The following XPR1 variants were observed in gnomAD, a reference collection of about 807,000 sequenced individuals.
The protein encoded by XPR1 is xenotropic and polytropic retrovirus receptor 1, also known as solute carrier family 53 member 1.
A neutral mutation model predicts 87.5 loss-of-function variants in XPR1; 28 were observed. The observed-to-expected ratio is 0.32, with a 90% CI of 0.24 to 0.44. The LOEUF is 0.44. Among genes scored for constraint, XPR1 ranks in the 20% least tolerant of loss-of-function variants. XPR1 has a pLI of 1.00. For missense variants in XPR1, 559 were observed against 862.3 expected, an observed-to-expected ratio of 0.65 and a Z score of 4.41; for synonymous variants, 300 against 306.1, an observed-to-expected ratio of 0.98 and a Z score of 0.21.
intron 1 of XPR1, among the ~76,000 whole-genome samples, chr1:180,656,365 AATATT>A (rs1557941118): frequency 1.8e-5 from 2 of 108,570 alleles, no homozygotes; most frequent in African/African-American, 6.7e-5. Context: ...TTATATATAT[AATATT>A]TATATATAAT....
At chr1:180,745,172 C>T (rs1330263325) in intron 2 of XPR1, among the ~76,000 whole-genome samples, 1 of 152,176 alleles carries the variant, frequency 6.6e-6, no homozygotes, top group Non-Finnish European at 1.5e-5. Flanking sequence ...TCCGATTATG[C>T]AAGCTTTTCT....
At chr1:180,786,815 G>A (rs950235723) in intron 2 of XPR1, among the ~76,000 whole-genome samples, 3 of 152,234 alleles carry the variant, frequency 2.0e-5, no homozygotes, top group Admixed American at 2.0e-4. Flanking sequence ...TCCTTCTCCT[G>A]AAGGTGTCAC....
chr1:180,682,482 A>T (rs940360019), intron 2 of XPR1, 71 bp downstream of exon 2: 5 of 1,210,966 alleles, frequency 4.1e-6, no homozygotes, highest in Non-Finnish European at 5.7e-6. Flanking sequence ...TGTACTGCAG[A>T]GTATAAAACT....
At chr1:180,799,624 C>A (rs191892010) in intron 3 of XPR1, among the ~76,000 whole-genome samples, 65 of 152,242 alleles carry the variant, frequency 4.3e-4, no homozygotes, top group African/African-American at 1.4e-3. Context: ...AAGGTACATC[C>A]ATATCAAGAA....
chr1:180,757,346 A>G (rs1424477077), intron 2 of XPR1, among the ~76,000 whole-genome samples: 4 of 152,188 alleles, frequency 2.6e-5, no homozygotes, highest in African/African-American at 9.7e-5. Flanking sequence ...TGCCTCTACA[A>G]TAAAAAATTT....
Position 180,632,264 on chromosome 1 carries a change from G to A in XPR1, c.63G>A (p.Gln21=), listed in dbSNP as rs1557930621. ...CCGAGTGGAGGAAGCAATACATCCA[G>A]TATGAGGTACCGGCACGGCTGGGGT... The part of the protein sequence containing the change: ...ITPEWRKQYI[Q]YEAFKDMLYS... Residue 21 remains glutamine (Q), a synonymous_variant, in exon 1 of 15, where the codon CAG becomes CAA. Transcript: ENST00000367590. The A allele has an allele frequency of 3.1e-6, 5 of 1,612,084 alleles. No individual in the cohort carries two copies. In the South Asian group the frequency reaches 5.5e-5, roughly 18 times the overall value.
rs888160035 is a variant in XPR1 at position 180,710,752 on chromosome 1, C to T, written c.121+28341C>T. ...ATGGGGTGGCGGCTGGGCAGAGGGT[C>T]TCCTCACTTCCCAGAAGGGGTGGCC... On this transcript the variant is annotated intron_variant, in intron 2 of 14. Transcript: ENST00000367590. Among the ~76,000 whole-genome samples, 5 of 152,262 alleles carry T rather than the reference C, an allele frequency of 3.3e-5. No individual in the cohort carries two copies. In the East Asian group the frequency reaches 9.7e-4, roughly 30 times the overall value.
chr1:180,838,099 G>A (rs1164107204), intron 11 of XPR1, among the ~76,000 whole-genome samples: 1 of 152,142 alleles, frequency 6.6e-6, no homozygotes, highest in Non-Finnish European at 1.5e-5. Flanking sequence ...CCATTGCCTG[G>A]AAGCCGTACT....
rs1316911191 is a variant in XPR1 at position 180,806,532 on chromosome 1, G to A, written c.656G>A (p.Arg219His). ...GDRQKAMKRL[R>H]VPPLGAAQPA... ...AGACAAAAGGCTATGAAGCGTTTAC[G>A]TGTCCCCCCTTTGGGAGCTGCTCAG... is the stretch of plus-strand genomic sequence containing the variant. The change falls in exon 6 of 15, where the codon CGT becomes CAT. Residue 219 changes from arginine (R) to histidine (H), a missense_variant. Arg to His is a conservative substitution (Grantham distance 29). This residue lies in a region of XPR1 where 159 missense variants were observed against 263.3 expected (regional missense o/e 0.60). Transcript: ENST00000367590. 2 of 1,612,866 alleles carry A rather than the reference G, an allele frequency of 1.2e-6. No individual in the cohort carries two copies. The highest frequency in any genetic ancestry group is 1.7e-6 in the Non-Finnish European group (2 of 1,179,202).
intron 1 of XPR1, among the ~76,000 whole-genome samples, chr1:180,681,959 A>C (rs571482002): frequency 6.6e-6 from 1 of 152,252 alleles, no homozygotes; most frequent in African/African-American, 2.4e-5. Context: ...TTTATGTTAC[A>C]TGTACCTTAC....
intron 3 of XPR1, among the ~76,000 whole-genome samples, chr1:180,800,275 C>A (rs1271883070): frequency 2.0e-5 from 3 of 152,156 alleles, no homozygotes; most frequent in Admixed American, 6.5e-5. Flanking sequence ...GATTGCTAAA[C>A]CACAGTGGTG....
At chr1:180,831,400 C>CT (rs1237363768) in intron 9 of XPR1, among the ~76,000 whole-genome samples, 3 of 77,676 alleles carry the variant, frequency 3.9e-5, no homozygotes, top group Admixed American at 1.5e-4. Context: ...GGGTGAATTT[C>CT]TTTTTTTTAT....
At chr1:180,776,255 G>A (rs1166554190) in intron 2 of XPR1, among the ~76,000 whole-genome samples, 2 of 152,010 alleles carry the variant, frequency 1.3e-5, no homozygotes, top group Non-Finnish European at 2.9e-5. Context: ...TGACATTGCT[G>A]CAACAAACTT....
chr1:180,849,887 C>T (rs1485794194), intron 11 of XPR1, among the ~76,000 whole-genome samples: 5 of 152,188 alleles, frequency 3.3e-5, no homozygotes, highest in African/African-American at 1.2e-4. Context: ...CAGGTACATG[C>T]GTGCGCACAC....
intron 2 of XPR1, among the ~76,000 whole-genome samples, chr1:180,710,509 G>C (rs373617143): frequency 1.3e-5 from 2 of 152,072 alleles, no homozygotes; most frequent in Non-Finnish European, 2.9e-5. Flanking sequence ...AGAGAGCACC[G>C]GGTTGGGGGT....
intron 2 of XPR1, among the ~76,000 whole-genome samples, chr1:180,722,402 G>T (rs1302169459): frequency 6.6e-6 from 1 of 152,092 alleles, no homozygotes; most frequent in Non-Finnish European, 1.5e-5. Context: ...CCCTTAAAAT[G>T]TTACTTTAAA....
At chr1:180,764,736 C>G (rs1648204072) in intron 2 of XPR1, among the ~76,000 whole-genome samples, 1 of 151,064 alleles carries the variant, frequency 6.6e-6, no homozygotes, top group African/African-American at 2.4e-5. Context: ...TCCCAAAGTG[C>G]TGGGATTACA....
chr1:180,826,974 C>T (rs989386951), intron 9 of XPR1, among the ~76,000 whole-genome samples: 2 of 151,656 alleles, frequency 1.3e-5, no homozygotes, highest in African/African-American at 4.8e-5. Flanking sequence ...GCTAACATGG[C>T]AAAACCCCAT....
chr1:180,747,295 T>C (rs1647294096), intron 2 of XPR1, among the ~76,000 whole-genome samples: 1 of 152,218 alleles, frequency 6.6e-6, no homozygotes, highest in Non-Finnish European at 1.5e-5. Flanking sequence ...TTGTATCTTT[T>C]ATCAGTCTTC....
Sources: gnomAD v4.1 joint callset for allele counts (sites outside exome capture counted in the v4.1 genomes callset) on GRCh38, gnomAD v4.1.1 for gene constraint, gnomAD v4.1.1 regional missense constraint, MANE v1.5 for transcripts, NCBI Gene and HGNC (gene_info 2026-07-23, HGNC 2026-07-21) for gene names.